ITPR2: variants seen among roughly 807,000 people sequenced by gnomAD.
The protein encoded by ITPR2 is inositol 1,4,5-trisphosphate-gated calcium channel ITPR2.
ITPR2 carries 207 observed loss-of-function variants against 317.1 expected under a neutral mutation model. The ratio of observed to expected loss-of-function variants is 0.65; its 90% CI spans 0.58 to 0.73. The LOEUF is 0.73. Among genes scored for constraint, ITPR2 ranks in the 30% least tolerant of loss-of-function variants. The pLI is 0.00. For missense variants in ITPR2, 2,613 were observed against 3,284.0 expected, an observed-to-expected ratio of 0.80 and a Z score of 4.99; for synonymous variants, 1,156 against 1,149.1, an observed-to-expected ratio of 1.01 and a Z score of -0.12.
At chr12:26,495,094 C>G in intron 38 of ITPR2, 58 bp downstream of exon 38, 1 of 892,984 alleles carries the variant, frequency 1.1e-6, no homozygotes, top group Non-Finnish European at 1.9e-6. Flanking sequence ...TAGAGTAACA[C>G]TGACATGAAG....
chr12:26,456,330 TC>T (rs1342524810), intron 45 of ITPR2, among the ~76,000 whole-genome samples: 6 of 152,288 alleles, frequency 3.9e-5, no homozygotes, highest in African/African-American at 1.2e-4. Flanking sequence ...TTAAAGACAC[TC>T]CTAGCAGCGC....
At chr12:26,521,194 T>A (rs1943653317) in intron 37 of ITPR2, among the ~76,000 whole-genome samples, 1 of 152,202 alleles carries the variant, frequency 6.6e-6, no homozygotes, top group Admixed American at 6.6e-5. Context: ...TATACAAAAC[T>A]GACATTAATA....
At chr12:26,806,396 T>C (rs1249535723) in intron 1 of ITPR2, among the ~76,000 whole-genome samples, 1 of 151,930 alleles carries the variant, frequency 6.6e-6, no homozygotes, top group Non-Finnish European at 1.5e-5. Context: ...AGAAAAAGCC[T>C]TGAAAAAAAA....
At chr12:26,614,702 G>A (rs144701981) in intron 26 of ITPR2, among the ~76,000 whole-genome samples, 18 of 152,252 alleles carry the variant, frequency 1.2e-4, no homozygotes, top group East Asian at 5.8e-4. Context: ...AACCAGTCTG[G>A]AAAAGCTACA....
rs1361350365 is a variant in ITPR2 at position 26,663,850 on chromosome 12, T to C, written c.1552-4A>G. The stretch of plus-strand genomic sequence containing the variant: ...GTGCTTTAAGAATTCCAAATACCTA[T>C]CAGGAATAAAAACAGCCACCTATTC... On this transcript the variant is annotated splice_polypyrimidine_tract_variant and splice_region_variant and intron_variant, in intron 14 of 56. Coordinates refer to ENST00000381340, the MANE Select transcript of ITPR2 (RefSeq NM_002223.4). 3 of 1,600,166 alleles carry C rather than the reference T, an allele frequency of 1.9e-6. No individual in the cohort carries two copies. Among genetic ancestry groups the C allele is most frequent in the Non-Finnish European group, 2.6e-6 (3 of 1,176,024 alleles).
At chr12:26,808,789 G>T (rs1330439061) in intron 1 of ITPR2, among the ~76,000 whole-genome samples, 2 of 152,186 alleles carry the variant, frequency 1.3e-5, no homozygotes, top group Non-Finnish European at 2.9e-5. Flanking sequence ...GCATCAATAT[G>T]TCTCAAAATG....
At chr12:26,741,852 AAC>A (rs1949234699) in intron 2 of ITPR2, among the ~76,000 whole-genome samples, 1 of 152,224 alleles carries the variant, frequency 6.6e-6, no homozygotes, top group East Asian at 1.9e-4. Flanking sequence ...TAACTAAACG[AAC>A]ACAGTCAGTT....
rs541926995 is a variant in ITPR2, at chr12:26,716,460, T to C, written c.526-218A>G. The stretch of plus-strand genomic sequence containing the variant: ...GTCCCATAGTGCCTATCAGTCTGGA[T>C]TCATAAAGCTAGTGTGGATCTTTTT... On this transcript the variant is annotated intron_variant, in intron 5 of 56. Coordinates refer to ENST00000381340, the MANE Select transcript of ITPR2 (RefSeq NM_002223.4). 2.0e-5 allele frequency among the ~76,000 whole-genome samples: 3 copies of C among 152,290 alleles called. No individual in the cohort carries two copies. The South Asian group carries it at 6.2e-4, about 32-fold the overall frequency.
chr12:26,671,530 A>G (rs1161090428), intron 13 of ITPR2, among the ~76,000 whole-genome samples: 1 of 152,206 alleles, frequency 6.6e-6, no homozygotes, highest in East Asian at 1.9e-4. Flanking sequence ...GGCCTGCCCT[A>G]AAAGAGGTCC....
chr12:26,463,443 G>T (rs1250782733), intron 45 of ITPR2, among the ~76,000 whole-genome samples: 1 of 152,090 alleles, frequency 6.6e-6, no homozygotes, highest in Admixed American at 6.6e-5. Context: ...GAGGTGGGCG[G>T]ATTATCTGAG....
intron 13 of ITPR2, among the ~76,000 whole-genome samples, chr12:26,668,286 G>A (rs1013671166): frequency 2.0e-5 from 3 of 152,166 alleles, no homozygotes; most frequent in African/African-American, 7.2e-5. Flanking sequence ...CAAACATATG[G>A]CTTCTCTAAC....
chr12:26,605,126 A>AAAT (rs1555165395), intron 26 of ITPR2, among the ~76,000 whole-genome samples: 21 of 136,324 alleles, frequency 1.5e-4, no homozygotes, highest in Middle Eastern at 4.0e-3. Context: ...AAAAAATAAA[A>AAAT]ATATATATAT....
In ITPR2 at chr12:26,550,310, C is replaced by T. The variant is rs1314427809; in HGVS notation, c.5010G>A (p.Leu1670=). Residue 1670 remains leucine, a synonymous_variant, in exon 37 of 57, where the codon CTG becomes CTA. Transcript: ENST00000381340. ...TKKLMEKEEK[L]CIKILQTLRE... ...GTAATGTCTGAAGAATTTTAATGCA[C>T]AGTTTTTCTTCTTTCTCCATTAGTT... is the stretch of plus-strand genomic sequence containing the variant. The T allele has an allele frequency of 1.3e-6, 2 of 1,544,600 alleles. No homozygotes were observed. Among genetic ancestry groups the T allele is most frequent in the Non-Finnish European group, 1.8e-6 (2 of 1,123,810 alleles).
At chr12:26,685,020 C>T (rs137985315) in intron 11 of ITPR2, among the ~76,000 whole-genome samples, 57 of 152,040 alleles carry the variant, frequency 3.7e-4, no homozygotes, top group African/African-American at 1.2e-3. Flanking sequence ...CATAAAACAC[C>T]CTGGGAAGCT....
At chr12:26,791,095 A>C (rs1168813622) in intron 1 of ITPR2, among the ~76,000 whole-genome samples, 1 of 152,222 alleles carries the variant, frequency 6.6e-6, no homozygotes, top group Non-Finnish European at 1.5e-5. Context: ...TAGCTACAAC[A>C]ACATGTTTAA....
intron 35 of ITPR2, among the ~76,000 whole-genome samples, chr12:26,557,336 G>A (rs1298525140): frequency 6.6e-6 from 1 of 152,166 alleles, no homozygotes; most frequent in African/African-American, 2.4e-5. Context: ...CTCAGGGGAT[G>A]AGCCCCCTCA....
Position 26,428,042 on chromosome 12 carries a change from C to T in ITPR2, c.6816G>A (p.Ala2272=), listed in dbSNP as rs766076424. 3.7e-6 allele frequency: 6 copies of T among 1,610,764 alleles called. No homozygotes were observed. The highest frequency in any genetic ancestry group is 3.4e-5 in the Admixed American group (2 of 59,484). The change falls in exon 49 of 57, where the codon GCG becomes GCA. Residue 2272 remains alanine (A), a synonymous_variant. Transcript: ENST00000381340. ...AGAAAAACAGCATAGATGTGCAGAT[C>T]GCAACTGCTATCCAAAGAAGAACCG... ...LFSVLLWIAV[A]ICTSMLFFFS...
chr12:26,642,364 A>G (rs1190120613), intron 21 of ITPR2, among the ~76,000 whole-genome samples: 3 of 152,208 alleles, frequency 2.0e-5, no homozygotes, highest in Non-Finnish European at 4.4e-5. Flanking sequence ...TGAAGTCATG[A>G]GAGCACCACC....
At chr12:26,764,330 C>T (rs1464160425) in intron 2 of ITPR2, among the ~76,000 whole-genome samples, 4 of 151,858 alleles carry the variant, frequency 2.6e-5, no homozygotes, top group Non-Finnish European at 2.9e-5. Flanking sequence ...AGGCACAATC[C>T]GTGAAAGAAT....
Sources: gnomAD v4.1 joint callset for allele counts (sites outside exome capture counted in the v4.1 genomes callset) on GRCh38, gnomAD v4.1.1 for gene constraint, MANE v1.5 for transcripts, NCBI Gene and HGNC (gene_info 2026-07-23, HGNC 2026-07-21) for gene names.